Variants in CDH13 observed in about 807,000 individuals in gnomAD.
CDH13 encodes cadherin-13.
A neutral mutation model predicts 63.8 loss-of-function variants in CDH13; 24 were observed. The observed-to-expected ratio is 0.38, with a 90% CI of 0.27 to 0.53. The LOEUF is 0.53. Among genes scored for constraint, CDH13 ranks in the 20% least tolerant of loss-of-function variants. The probability of loss-of-function intolerance (pLI) is 0.85; values close to 1 mark genes in which losing one functional copy is unlikely to be tolerated. For missense variants in CDH13, 1,049 were observed against 903.1 expected (o/e 1.16, Z -2.07); for synonymous variants, 503 against 355.3 (o/e 1.42, Z -4.67).
At chr16:83,318,820 C>G (rs1461292965) in intron 5 of CDH13, among the ~76,000 whole-genome samples, 2 of 152,118 alleles carry the variant, frequency 1.3e-5, no homozygotes, top group African/African-American at 2.4e-5. Flanking sequence ...TGCTGTCTTT[C>G]TTTTGAAGTC....
At chr16:83,293,200 G>A (rs1402633146) in intron 5 of CDH13, among the ~76,000 whole-genome samples, 1 of 152,118 alleles carries the variant, frequency 6.6e-6, no homozygotes, top group Non-Finnish European at 1.5e-5. Context: ...TCTGATAAGG[G>A]CCAAATCCTA....
intron 3 of CDH13, among the ~76,000 whole-genome samples, chr16:83,068,798 G>A (rs184779718): frequency 6.6e-6 from 1 of 152,264 alleles, no homozygotes; most frequent in East Asian, 1.9e-4. Flanking sequence ...AAGGGCTGTG[G>A]ACACCCTGCT....
chr16:82,779,070 G>T (rs768102029), intron 1 of CDH13, among the ~76,000 whole-genome samples: 1 of 152,150 alleles, frequency 6.6e-6, no homozygotes, highest in African/African-American at 2.4e-5. Context: ...GTAAAGTTAG[G>T]GTGGGAGGGA....
chr16:83,294,165 A>G (rs1308284294), intron 5 of CDH13, among the ~76,000 whole-genome samples: 1 of 152,220 alleles, frequency 6.6e-6, no homozygotes, highest in Non-Finnish European at 1.5e-5. Context: ...ATTTTAAAGT[A>G]TCTATACATT....
At chr16:83,035,473 G>A (rs149139262) in intron 3 of CDH13, among the ~76,000 whole-genome samples, 2 of 152,190 alleles carry the variant, frequency 1.3e-5, no homozygotes, top group Admixed American at 6.5e-5. Context: ...GGAGGCAGAT[G>A]CTACTGTGTT....
chr16:83,705,005 T>C (rs1317608972), intron 10 of CDH13, among the ~76,000 whole-genome samples: 1 of 152,224 alleles, frequency 6.6e-6, no homozygotes, highest in Non-Finnish European at 1.5e-5. Context: ...AAGAATAAGT[T>C]ATCTCACTTA....
At chr16:83,743,748 C>CTTTTTTTTTTTTTTTTCTTTTT (rs1912285056) in intron 10 of CDH13, among the ~76,000 whole-genome samples, 1 of 76,256 alleles carries the variant, frequency 1.3e-5, no homozygotes, top group Non-Finnish European at 2.2e-5. Context: ...TTTCTTTTTT[C>CTTTTTTTTTTTTTTTTCTTTTT]TTTTTTTTTT....
intron 3 of CDH13, among the ~76,000 whole-genome samples, chr16:83,042,260 G>A (rs1425767263): frequency 6.6e-6 from 1 of 152,214 alleles, no homozygotes; most frequent in South Asian, 2.1e-4. Flanking sequence ...AGCTTCATCT[G>A]TATTTATAGC....
At chr16:83,201,426 G>A (rs1281507686) in intron 4 of CDH13, among the ~76,000 whole-genome samples, 1 of 149,778 alleles carries the variant, frequency 6.7e-6, no homozygotes, top group Non-Finnish European at 1.5e-5. Context: ...GGCCAGGGAA[G>A]TCCTCTGCAA....
At chr16:83,296,214 G>T (rs2089593534) in intron 5 of CDH13, among the ~76,000 whole-genome samples, 1 of 152,042 alleles carries the variant, frequency 6.6e-6, no homozygotes, top group Non-Finnish European at 1.5e-5. Context: ...GTGCTTCTCT[G>T]TCCTTAGTTG....
chr16:83,602,076 C>A, intron 7 of CDH13, among the ~76,000 whole-genome samples: 1 of 66,952 alleles, frequency 1.5e-5, no homozygotes, highest in Non-Finnish European at 2.6e-5. Flanking sequence ...GAGTGAGACT[C>A]TGTCTCAAAA....
intron 2 of CDH13, among the ~76,000 whole-genome samples, chr16:82,897,319 G>A (rs1221893790): frequency 2.0e-5 from 3 of 152,132 alleles, no homozygotes; most frequent in Non-Finnish European, 4.4e-5. Flanking sequence ...TGAGAGATCT[G>A]TGAGGTGCAT....
intron 2 of CDH13, among the ~76,000 whole-genome samples, chr16:82,998,862 CT>C (rs200853526): frequency 0.21 from 27,369 of 128,314 alleles, 2,302 homozygotes; most frequent in East Asian, 0.32. Flanking sequence ...CCCCTTGATC[CT>C]TTTTTTTTTT....
chr16:83,671,744 T>C (rs1914518022), intron 9 of CDH13, among the ~76,000 whole-genome samples: 2 of 152,298 alleles, frequency 1.3e-5, no homozygotes, highest in East Asian at 3.9e-4. Flanking sequence ...TGTGAAACCC[T>C]CTGTGACCCT....
intron 8 of CDH13, among the ~76,000 whole-genome samples, chr16:83,654,251 A>T (rs1469528725): frequency 6.6e-6 from 1 of 151,938 alleles, no homozygotes; most frequent in Non-Finnish European, 1.5e-5. Flanking sequence ...AATGGCAAAA[A>T]ATTGCAATTA....
At chr16:83,234,260 C>A (rs867883220) in intron 5 of CDH13, among the ~76,000 whole-genome samples, 1 of 152,080 alleles carries the variant, frequency 6.6e-6, no homozygotes, top group African/African-American at 2.4e-5. Flanking sequence ...AGGTGCTTTG[C>A]GGGGATGATT....
At chr16:83,169,580 T>C (rs546172537) in intron 4 of CDH13, among the ~76,000 whole-genome samples, 128 of 151,766 alleles carry the variant, frequency 8.4e-4, no homozygotes, top group African/African-American at 3.0e-3. Flanking sequence ...TGTTTCTCCA[T>C]GTCTTGGGAA....
intron 1 of CDH13, among the ~76,000 whole-genome samples, chr16:82,651,983 G>A (rs1274831229): frequency 6.6e-6 from 1 of 152,212 alleles, no homozygotes; most frequent in African/African-American, 2.4e-5. Flanking sequence ...GAACAAGTTG[G>A]AGCTTTTCGT....
intron 10 of CDH13, among the ~76,000 whole-genome samples, chr16:83,699,423 C>T (rs990236680): frequency 2.0e-5 from 3 of 152,192 alleles, no homozygotes; most frequent in South Asian, 2.1e-4. Context: ...CTGCATGCCC[C>T]GTAGCAGCCC....
Sources: gnomAD v4.1 joint callset for allele counts (sites outside exome capture counted in the v4.1 genomes callset) on GRCh38, gnomAD v4.1.1 for gene constraint, MANE v1.5 for transcripts, NCBI Gene and HGNC (gene_info 2026-07-23, HGNC 2026-07-21) for gene names.